RALYL: variants seen among roughly 807,000 people sequenced by gnomAD.
RALYL encodes the protein RALY RNA binding protein like.
RALYL carries 29 observed loss-of-function variants against 35.1 expected under a neutral mutation model. That is an observed-to-expected ratio of 0.83 (90% CI 0.61 to 1.13). The LOEUF is 1.13. Ranked by LOEUF, RALYL falls within the 50% of genes most tolerant of loss-of-function variation. RALYL has a pLI of 0.00. For missense variants in RALYL, 359 were observed against 360.4 expected (o/e 1.00, Z 0.03); for synonymous variants, 120 against 127.6 (o/e 0.94, Z 0.40).
chr8:84,382,721 T>G (rs746055760), intron 1 of RALYL, among the ~76,000 whole-genome samples: 2 of 151,692 alleles, frequency 1.3e-5, no homozygotes, highest in African/African-American at 4.8e-5. Flanking sequence ...ATTTCACTTA[T>G]CTTCATATTT....
chr8:84,364,660 TATG>T (rs770555291), intron 1 of RALYL, among the ~76,000 whole-genome samples: 61 of 152,148 alleles, frequency 4.0e-4, no homozygotes, highest in Non-Finnish European at 7.2e-4. Flanking sequence ...TTGTGTATAT[TATG>T]ATAAAAACTC....
At chr8:84,729,143 T>A (rs1392710252) in intron 2 of RALYL, among the ~76,000 whole-genome samples, 1 of 152,162 alleles carries the variant, frequency 6.6e-6, no homozygotes, top group Non-Finnish European at 1.5e-5. Flanking sequence ...TATCCTCTTT[T>A]ATTTCATTGA....
rs1836899467 is a variant in RALYL at position 84,686,784 on chromosome 8, C to A, written c.257-87795C>A. Among the ~76,000 whole-genome samples the A allele has an allele frequency of 2.0e-5, 3 of 152,160 alleles. No individual in the cohort carries two copies. The South Asian group carries it at 6.2e-4, about 32-fold the overall frequency. On this transcript the variant is annotated intron_variant, in intron 2 of 8. Coordinates refer to ENST00000521268, the MANE Select transcript of RALYL (RefSeq NM_173848.7). Reference sequence around the variant, plus strand: ...TGTTGTAATTCACTTCCTTTTCCAACATTTGATTATTTATTTCTTATTCCC... The same window carrying A: ...TGTTGTAATTCACTTCCTTTTCCAAAATTTGATTATTTATTTCTTATTCCC...
rs766655148 is a variant in RALYL at position 84,873,394 on chromosome 8, G to T, written c.682G>T (p.Ala228Ser). 6.4e-7 allele frequency: 1 copy of T among 1,571,128 alleles called. No homozygotes were observed. ...GATTGAGAAACAGCAGAAGGCGGAGGCAGGTAAGTGATCTCTGATCACAGA... is the reference window on the plus strand; with the variant it reads ...GATTGAGAAACAGCAGAAGGCGGAGTCAGGTAAGTGATCTCTGATCACAGA... Reference protein sequence around the residue: ...EKIEKQQKAEAEAQKKQLEES... With the variant: ...EKIEKQQKAESEAQKKQLEES... Residue 228 changes from alanine to serine, a missense_variant, in exon 7 of 9, where the codon GCA becomes TCA. Physicochemically the swap from Ala to Ser is moderately conservative, Grantham distance 99. Coordinates refer to ENST00000521268, the MANE Select transcript of RALYL (RefSeq NM_173848.7).
At chr8:84,851,313 T>C (rs767315863) in intron 5 of RALYL, among the ~76,000 whole-genome samples, 10 of 152,196 alleles carry the variant, frequency 6.6e-5, no homozygotes, top group Non-Finnish European at 1.3e-4. Context: ...TATGCATTTA[T>C]TTGTGGAAAA....
At chr8:84,489,368 A>G (rs1383480934) in intron 1 of RALYL, among the ~76,000 whole-genome samples, 2 of 152,084 alleles carry the variant, frequency 1.3e-5, no homozygotes, top group African/African-American at 4.8e-5. Flanking sequence ...AGCCAGACAT[A>G]AAAAAGAAAC....
intron 1 of RALYL, among the ~76,000 whole-genome samples, chr8:84,222,853 T>C (rs1004556474): frequency 1.3e-5 from 2 of 152,094 alleles, no homozygotes; most frequent in Non-Finnish European, 2.9e-5. Context: ...AGTGGTGTGA[T>C]TGGTCTTGAC....
chr8:84,617,138 G>T (rs1377127682), intron 2 of RALYL, among the ~76,000 whole-genome samples: 1 of 150,520 alleles, frequency 6.6e-6, no homozygotes, highest in Non-Finnish European at 1.5e-5. Flanking sequence ...GAAAGTCATT[G>T]GTAGCTTGAT....
At chr8:84,391,469 C>A (rs955268965) in intron 1 of RALYL, among the ~76,000 whole-genome samples, 3 of 152,008 alleles carry the variant, frequency 2.0e-5, no homozygotes, top group African/African-American at 7.2e-5. Context: ...TATTAAAAGT[C>A]AAAATCTGAT....
chr8:84,737,339 A>G (rs1406780505), intron 2 of RALYL, among the ~76,000 whole-genome samples: 1 of 152,044 alleles, frequency 6.6e-6, no homozygotes, highest in Non-Finnish European at 1.5e-5. Flanking sequence ...TATTATATTG[A>G]CCTTTATGCA....
chr8:84,493,814 G>T (rs1466270990), intron 1 of RALYL, among the ~76,000 whole-genome samples: 2 of 152,006 alleles, frequency 1.3e-5, no homozygotes, highest in African/African-American at 4.8e-5. Context: ...ATCTTTGTCA[G>T]ATGGGTAGAT....
intron 4 of RALYL, among the ~76,000 whole-genome samples, chr8:84,842,473 T>C (rs1833646204): frequency 1.3e-5 from 2 of 152,154 alleles, no homozygotes; most frequent in South Asian, 4.1e-4. Flanking sequence ...GAGGCAATAA[T>C]TAATAGCTTA....
chr8:84,779,858 C>T (rs1432163029), intron 3 of RALYL, among the ~76,000 whole-genome samples: 1 of 152,126 alleles, frequency 6.6e-6, no homozygotes, highest in African/African-American at 2.4e-5. Context: ...GGAAAAGGGA[C>T]CCTTGAATCA....
intron 2 of RALYL, among the ~76,000 whole-genome samples, chr8:84,705,388 A>G (rs1174227307): frequency 6.6e-6 from 1 of 152,182 alleles, no homozygotes; most frequent in Non-Finnish European, 1.5e-5. Context: ...AACAAGCCTG[A>G]GAACCTATTG....
intron 2 of RALYL, among the ~76,000 whole-genome samples, chr8:84,564,140 A>T (rs2061631716): frequency 6.6e-6 from 1 of 151,764 alleles, no homozygotes; most frequent in South Asian, 2.1e-4. Flanking sequence ...CTTCAATATC[A>T]TTATACTTAA....
intron 2 of RALYL, among the ~76,000 whole-genome samples, chr8:84,755,432 T>C (rs10089908): frequency 0.27 from 40,854 of 152,054 alleles, 5,896 homozygotes; most frequent in African/African-American, 0.35. Flanking sequence ...CCGTAGTCCC[T>C]TTTGTTCATA....
intron 1 of RALYL, among the ~76,000 whole-genome samples, chr8:84,318,398 T>C (rs1051945198): frequency 6.6e-6 from 1 of 152,366 alleles, no homozygotes; most frequent in Non-Finnish European, 1.5e-5. Flanking sequence ...TTCTTACTTC[T>C]GTGCTCTAGC....
At chr8:84,772,257 A>G (rs562766227) in intron 2 of RALYL, among the ~76,000 whole-genome samples, 52 of 152,206 alleles carry the variant, frequency 3.4e-4, no homozygotes, top group African/African-American at 1.1e-3. Flanking sequence ...TAATTACCAC[A>G]GCTTTAAAAT....
intron 2 of RALYL, among the ~76,000 whole-genome samples, chr8:84,607,546 C>T (rs1169054723): frequency 1.3e-5 from 2 of 151,994 alleles, no homozygotes; most frequent in Non-Finnish European, 2.9e-5. Flanking sequence ...CCAACATTGC[C>T]CATAGGTAGA....
Sources: allele counts gnomAD v4.1 joint callset (sites outside exome capture counted in the v4.1 genomes callset), GRCh38; gene constraint gnomAD v4.1.1; transcripts MANE v1.5; gene names NCBI Gene and HGNC (gene_info 2026-07-23, HGNC 2026-07-21).